RYR3: variants seen among roughly 807,000 people sequenced by gnomAD.
RYR3 encodes the protein ryanodine receptor 3.
A neutral mutation model predicts 584.3 loss-of-function variants in RYR3; 207 were observed. The observed-to-expected ratio is 0.35, with a 90% CI of 0.32 to 0.40. The LOEUF is 0.40. RYR3 is among the 10% of genes least tolerant of loss of function. The pLI, the probability that RYR3 is intolerant of heterozygous loss-of-function variation, is 1.00. For missense variants in RYR3, 5,616 were observed against 6,089.2 expected (o/e 0.92, Z 2.59); for synonymous variants, 2,416 against 2,248.5 (o/e 1.07, Z -2.11).
At chr15:33,392,823 T>C (rs554746353) in intron 1 of RYR3, among the ~76,000 whole-genome samples, 2 of 152,300 alleles carry the variant, frequency 1.3e-5, no homozygotes, top group South Asian at 2.1e-4. Context: ...AAGTAGAGTA[T>C]AGTATAATGC....
chr15:33,527,084 G>A lies in RYR3; in HGVS notation c.280-3508G>A, dbSNP rs138645785. Among the ~76,000 whole-genome samples, 294 of 152,198 alleles carry A rather than the reference G, an allele frequency of 1.9e-3. 1 individual carries two copies. The highest frequency in any genetic ancestry group is 3.1e-3 in the Non-Finnish European group (212 of 68,026). On this transcript the variant is annotated intron_variant, in intron 3 of 103. Transcript: ENST00000634891. ...TGGAGCAGAGGATGTGATGGAGAGC[G>A]TGCTGCTGGCAGGTGAAGTTAGAGA...
chr15:33,691,890 A>G (rs1394537075), intron 38 of RYR3, among the ~76,000 whole-genome samples: 1 of 152,252 alleles, frequency 6.6e-6, no homozygotes, highest in African/African-American at 2.4e-5. Context: ...AGTTTTACTC[A>G]GCATTGCTTT....
chr15:33,565,754 C>T (rs2057680723), intron 11 of RYR3, among the ~76,000 whole-genome samples: 1 of 152,152 alleles, frequency 6.6e-6, no homozygotes, highest in African/African-American at 2.4e-5. Context: ...CAAACTACCT[C>T]ACTTAACATC....
chr15:33,653,464 G>T (rs943759028), intron 32 of RYR3, among the ~76,000 whole-genome samples: 2 of 152,110 alleles, frequency 1.3e-5, no homozygotes, highest in African/African-American at 4.8e-5. Context: ...GAGGTCAGGA[G>T]ATTGAGACCA....
chr15:33,557,098 C>T (rs760689635), intron 10 of RYR3, among the ~76,000 whole-genome samples: 5 of 152,218 alleles, frequency 3.3e-5, no homozygotes, highest in Non-Finnish European at 7.4e-5. Flanking sequence ...TTATACCTGG[C>T]TTTGGAATTG....
intron 81 of RYR3, among the ~76,000 whole-genome samples, chr15:33,824,266 G>A (rs1227686227): frequency 2.0e-5 from 3 of 152,104 alleles, no homozygotes; most frequent in Non-Finnish European, 2.9e-5. Flanking sequence ...GGTGATATAC[G>A]CTTAGATGCC....
chr15:33,608,871 T>C (rs2060034303), intron 18 of RYR3, among the ~76,000 whole-genome samples: 2 of 152,198 alleles, frequency 1.3e-5, no homozygotes, highest in Non-Finnish European at 2.9e-5. Context: ...TTATTTTCAA[T>C]GGAAAGAATA....
rs778136683 is a variant in RYR3, at chr15:33,748,171, G to A, written c.8047G>A (p.Gly2683Ser). The A allele has an allele frequency of 6.2e-7, 1 of 1,613,860 alleles. No homozygotes were observed. The highest frequency in any genetic ancestry group is 8.5e-7 in the Non-Finnish European group (1 of 1,179,812). The change falls in exon 54 of 104, where the codon GGC (glycine) becomes AGC (serine). Residue 2683 changes from glycine to serine, a missense_variant. By Grantham distance (56) the Gly-to-Ser change is moderately conservative. Coordinates refer to ENST00000634891, the MANE Select transcript of RYR3 (RefSeq NM_001036.6). ...RESLKTMLAV[G>S]WTVERTKEGE... is the part of the protein sequence containing the mutation. The stretch of plus-strand genomic sequence containing the variant: ...GTCCCTGAAAACCATGCTGGCTGTG[G>A]GCTGGACTGTGGAGAGGACCAAAGA...
rs182036497 is a variant in RYR3 at position 33,425,976 on chromosome 15, T to C, written c.52-47443T>C. On this transcript the variant is annotated intron_variant, in intron 1 of 103. Coordinates refer to ENST00000634891, the MANE Select transcript of RYR3 (RefSeq NM_001036.6). ...ATTCTTTAAATCTTTAAAGAAAATA[T>C]ACTGATATGTTCCTACATTGTTTGT... 1.5e-3 allele frequency among the ~76,000 whole-genome samples: 231 copies of C among 152,290 alleles called. 3 individuals carry two copies. The highest frequency in any genetic ancestry group is 2.5e-3 in the Non-Finnish European group (173 of 68,024).
intron 62 of RYR3, among the ~76,000 whole-genome samples, chr15:33,769,674 C>T (rs1302130371): frequency 6.6e-6 from 1 of 152,208 alleles, no homozygotes; most frequent in Admixed American, 6.5e-5. Context: ...GAGACGCAGG[C>T]CAGGCGCGGT....
intron 93 of RYR3, 146 bp from the exon 94 acceptor site, chr15:33,848,145 T>C: frequency 2.1e-6 from 2 of 971,844 alleles, no homozygotes; most frequent in Non-Finnish European, 3.1e-6. Context: ...TCATTTGGCT[T>C]TGATCCCACA....
intron 5 of RYR3, among the ~76,000 whole-genome samples, chr15:33,537,861 C>T (rs1381665983): frequency 2.6e-5 from 4 of 151,706 alleles, no homozygotes; most frequent in African/African-American, 9.7e-5. Context: ...TGTTAATTTC[C>T]TCTCTCTTTT....
Position 33,859,555 on chromosome 15 carries a change from C to T in RYR3, c.14143-20C>T, listed in dbSNP as rs750332561. ...AGAACTGTGACTTTTGCCTAAATCC[C>T]CCTTATTTTTCTTCTCTAGTGTTAC... On this transcript the variant is annotated intron_variant, in intron 99 of 103. Transcript: ENST00000634891. 2.5e-6 allele frequency: 4 copies of T among 1,613,284 alleles called. No homozygotes were observed. Among genetic ancestry groups the T allele is most frequent in the East Asian group, 4.5e-5 (2 of 44,866 alleles).
At chr15:33,857,674 C>G in intron 98 of RYR3, 106 bp from the exon 99 acceptor site, 1 of 1,434,146 alleles carries the variant, frequency 7.0e-7, no homozygotes, top group Non-Finnish European at 9.5e-7. Flanking sequence ...ATTTCCTCTC[C>G]TTGCCCGTCC....
At chr15:33,391,710 T>C (rs1174218835) in intron 1 of RYR3, among the ~76,000 whole-genome samples, 3 of 152,070 alleles carry the variant, frequency 2.0e-5, no homozygotes, top group Non-Finnish European at 2.9e-5. Context: ...AGTAATAGTG[T>C]TGAGTTTTTG....
At chr15:33,818,493 G>A (rs1306606635) in intron 75 of RYR3, 85 bp from the exon 76 acceptor site, 53 of 948,320 alleles carry the variant, frequency 5.6e-5, no homozygotes, top group Admixed American at 1.6e-4. Context: ...TGTGCCTTGC[G>A]CTTTACCTTC....
At chr15:33,605,328 A>G (rs771691510) in intron 18 of RYR3, among the ~76,000 whole-genome samples, 1 of 152,160 alleles carries the variant, frequency 6.6e-6, no homozygotes, top group Non-Finnish European at 1.5e-5. Flanking sequence ...ATTGTGTATC[A>G]TTCCAGGAGT....
rs1399432536 is a variant in RYR3 at position 33,837,644 on chromosome 15, T to C, written c.11664T>C (p.Asn3888=). ...LLSLLEGNVV[N]GTIGKQMVDT... is the part of the protein sequence containing the mutation. ...CCTGCCTCACAGGGAATGTGGTAAA[T>C]GGCACCATTGGCAAGCAGATGGTTG... is the stretch of plus-strand genomic sequence containing the variant. Residue 3888 remains asparagine, a synonymous_variant, in exon 89 of 104, where the codon AAT becomes AAC. Transcript: ENST00000634891. 1 of 1,592,840 alleles carries C rather than the reference T, an allele frequency of 6.3e-7. No homozygotes were observed.
At chr15:33,634,515 T>C in intron 24 of RYR3, 71 bp from the exon 25 acceptor site, 1 of 1,519,496 alleles carries the variant, frequency 6.6e-7, no homozygotes, top group Non-Finnish European at 9.1e-7. Context: ...TTGCTGGGAA[T>C]ATGTGAATAG....
Sources: allele counts gnomAD v4.1 joint callset (sites outside exome capture counted in the v4.1 genomes callset), GRCh38; gene constraint gnomAD v4.1.1; transcripts MANE v1.5; gene names NCBI Gene and HGNC (gene_info 2026-07-23, HGNC 2026-07-21).